The following VWA3B variants were observed in gnomAD, a reference collection of about 807,000 sequenced individuals.
VWA3B encodes von Willebrand factor A domain containing 3B, also known as von Willebrand factor A domain-containing protein 3B.
Under a neutral mutation model 158.3 loss-of-function variants are expected in VWA3B, and 138 were observed. The ratio of observed to expected loss-of-function variants is 0.87; its 90% CI spans 0.76 to 1.00. The LOEUF (loss-of-function observed/expected upper bound fraction) is 1.00. VWA3B is among the 50% of genes least tolerant of loss of function. The pLI is 0.00. For missense variants in VWA3B, 1,555 were observed against 1,565.1 expected (o/e 0.99, Z 0.11); for synonymous variants, 596 against 587.3 (o/e 1.01, Z -0.21).
chr2:98,267,665 C>G (rs1455025979), intron 21 of VWA3B, among the ~76,000 whole-genome samples: 1 of 151,842 alleles, frequency 6.6e-6, no homozygotes, highest in East Asian at 1.9e-4. Context: ...CAAAAGCTAG[C>G]AGAAGGCAAG....
chr2:98,088,476 A>G (rs1159565278), intron 1 of VWA3B, among the ~76,000 whole-genome samples: 1 of 152,096 alleles, frequency 6.6e-6, no homozygotes, highest in African/African-American at 2.4e-5. Context: ...TATTTTCCCC[A>G]AAGCTTTGCC....
chr2:98,328,200 C>T, the VWA3B span, among the ~76,000 whole-genome samples: 43 of 152,010 alleles, frequency 2.8e-4, no homozygotes, highest in African/African-American at 9.7e-4. Flanking sequence ...CCAAATCCCT[C>T]GAACCCCCTA....
chr2:98,156,588 A>T (rs1678096986), intron 7 of VWA3B, among the ~76,000 whole-genome samples: 1 of 150,768 alleles, frequency 6.6e-6, no homozygotes, highest in Non-Finnish European at 1.5e-5. Flanking sequence ...CGTCTTTGTT[A>T]TTTTTATGCG....
chr2:98,108,791 C>T (rs974641278), intron 2 of VWA3B, among the ~76,000 whole-genome samples: 1 of 151,376 alleles, frequency 6.6e-6, no homozygotes, highest in Non-Finnish European at 1.5e-5. Context: ...TAAAAAAATC[C>T]TCTTTGCCAA....
chr2:98,228,349 G>T lies in VWA3B; in HGVS notation c.2150+17G>T, dbSNP rs372667967. On this transcript the variant is annotated intron_variant, in intron 15 of 27. Coordinates refer to ENST00000477737, the MANE Select transcript of VWA3B (RefSeq NM_144992.5). ...AGACAGCAAGTGAGCACCTCTGCCC[G>T]CCTGTCTCCCTGCGCTGAGGCCTCT... The T allele has an allele frequency of 3.1e-6, 5 of 1,607,590 alleles. No homozygotes were observed. The South Asian group carries it at 3.3e-5, about 11-fold the overall frequency.
At chr2:98,305,711 G>T (rs1272014253) in intron 26 of VWA3B, among the ~76,000 whole-genome samples, 1 of 152,086 alleles carries the variant, frequency 6.6e-6, no homozygotes, top group Non-Finnish European at 1.5e-5. Context: ...ATCTTTGGCT[G>T]CTGCTTGTCC....
chr2:98,223,932 C>T (rs1007447369), intron 14 of VWA3B, among the ~76,000 whole-genome samples: 1 of 151,954 alleles, frequency 6.6e-6, no homozygotes, highest in Non-Finnish European at 1.5e-5. Flanking sequence ...CACACTATGT[C>T]GCCCAGGCTG....
At chr2:98,268,583 A>C (rs1289297891) in intron 21 of VWA3B, among the ~76,000 whole-genome samples, 1 of 149,734 alleles carries the variant, frequency 6.7e-6, no homozygotes, top group Non-Finnish European at 1.5e-5. Flanking sequence ...CACTTTTCTG[A>C]GTTGTATTTG....
intron 7 of VWA3B, among the ~76,000 whole-genome samples, chr2:98,140,111 G>A (rs1356758658): frequency 6.6e-6 from 1 of 152,106 alleles, no homozygotes; most frequent in Non-Finnish European, 1.5e-5. Flanking sequence ...CCAGAAGGAA[G>A]AAACTCCGAA....
chr2:98,207,379 G>A (rs1468076908), intron 12 of VWA3B: 2 of 483,132 alleles, frequency 4.1e-6, no homozygotes, highest in Non-Finnish European at 8.3e-6. Flanking sequence ...CAACATTGTT[G>A]GCAATGAGCA....
chr2:98,194,968 T>TA (rs1353454607), intron 12 of VWA3B, among the ~76,000 whole-genome samples: 1 of 152,228 alleles, frequency 6.6e-6, no homozygotes, highest in Non-Finnish European at 1.5e-5. Context: ...GAGAATGTAG[T>TA]AAGAAGGTGA....
At chr2:98,179,786 TTTTCTTTCTTTC>T (rs202210762) in intron 8 of VWA3B, among the ~76,000 whole-genome samples, 10,395 of 116,576 alleles carry the variant, frequency 0.089, 525 homozygotes, top group East Asian at 0.34. Context: ...TTTCTCTTTC[TTTTCTTTCTTTC>T]TTTCTTTCTT....
At chr2:98,216,985 CG>C (rs779497334) in intron 13 of VWA3B, 16 of 1,245,038 alleles carry the variant, frequency 1.3e-5, no homozygotes, top group African/African-American at 3.6e-5. Context: ...TGTAAGCACC[CG>C]CCCCGCACCC....
rs746975315 is a variant in VWA3B at position 98,270,872 on chromosome 2, G to GC, written c.3038dup (p.Glu1015ArgfsTer31). 5 of 1,613,846 alleles carry GC rather than the reference G, an allele frequency of 3.1e-6. No homozygotes were observed. The South Asian group carries it at 4.4e-5, about 14-fold the overall frequency. ...TGCCAAGAAGAATTATGCAAACAAG[G>GC]CCCCGGGAGAGGTGGGTGCCCTGGA... On this transcript the variant is annotated frameshift_variant, in exon 22 of 28. Transcript: ENST00000477737. LOFTEE classifies it high-confidence loss of function.
intron 9 of VWA3B, 133 bp from the exon 10 acceptor site, chr2:98,187,842 C>T: frequency 2.1e-6 from 2 of 970,596 alleles, no homozygotes; most frequent in Non-Finnish European, 2.9e-6. Flanking sequence ...TTTGGTTGAA[C>T]TAACAAAGGA....
chr2:98,092,977 A>G (rs1682453711), intron 1 of VWA3B, 84 bp from the exon 2 acceptor site: 2 of 928,424 alleles, frequency 2.2e-6, no homozygotes. Flanking sequence ...TGGGTGTACT[A>G]TAATTTATGT....
chr2:98,171,188 G>A (rs1679552807), intron 8 of VWA3B, among the ~76,000 whole-genome samples: 1 of 152,154 alleles, frequency 6.6e-6, no homozygotes, highest in Admixed American at 6.5e-5. Flanking sequence ...AGGTGATGAT[G>A]TAATGGTAAA....
At chr2:98,179,308 T>C in intron 8 of VWA3B, 1 of 471,154 alleles carries the variant, frequency 2.1e-6, no homozygotes, top group Non-Finnish European at 4.4e-6. Context: ...TGCTGGCTTG[T>C]CCCGCTCAGG....
intron 23 of VWA3B, among the ~76,000 whole-genome samples, chr2:98,294,162 C>A (rs1183019134): frequency 8.1e-6 from 1 of 122,882 alleles, no homozygotes; most frequent in African/African-American, 3.2e-5. Flanking sequence ...ATCACCTGTT[C>A]ACTGTGAGTC....
Sources: gnomAD v4.1 joint callset for allele counts (sites outside exome capture counted in the v4.1 genomes callset) on GRCh38, gnomAD v4.1.1 for gene constraint, MANE v1.5 for transcripts, NCBI Gene and HGNC (gene_info 2026-07-23, HGNC 2026-07-21) for gene names.